PID1: variants seen among roughly 807,000 people sequenced by gnomAD.
PID1 encodes the protein PTB-containing, cubilin and LRP1-interacting protein.
A neutral mutation model predicts 19.1 loss-of-function variants in PID1; 10 were observed. That is an observed-to-expected ratio of 0.52 (90% confidence interval 0.32 to 0.89). The LOEUF is 0.89. Among genes scored for constraint, PID1 ranks in the 40% least tolerant of loss-of-function variants. PID1 has a pLI of 0.03. For synonymous variants in PID1, 130 were observed against 116.0 expected (o/e 1.12, Z -0.78); for missense variants, 248 against 285.3 (o/e 0.87, Z 0.94).
At chr2:229,117,790 T>C in intron 2 of PID1, among the ~76,000 whole-genome samples, 1 of 152,100 alleles carries the variant, frequency 6.6e-6, no homozygotes, top group East Asian at 1.9e-4. Context: ...CTGCTTGTCA[T>C]GTCCCCAAGC....
chr2:229,208,103 C>G (rs1691647878), intron 1 of PID1, among the ~76,000 whole-genome samples: 1 of 152,168 alleles, frequency 6.6e-6, no homozygotes. Flanking sequence ...TCCCAGGCCT[C>G]TGGGTTGTAA....
intron 2 of PID1, among the ~76,000 whole-genome samples, chr2:229,073,247 G>T (rs1215359310): frequency 2.0e-5 from 3 of 152,114 alleles, no homozygotes; most frequent in Admixed American, 1.3e-4. Flanking sequence ...GGATGGTCTC[G>T]ATCTCCTGAC....
chr2:229,209,885 T>C (rs1166398986), intron 1 of PID1, among the ~76,000 whole-genome samples: 1 of 152,156 alleles, frequency 6.6e-6, no homozygotes, highest in Non-Finnish European at 1.5e-5. Context: ...CATTCAAAAT[T>C]CAAGCACTTA....
At chr2:229,147,885 G>C (rs1437114387) in intron 2 of PID1, among the ~76,000 whole-genome samples, 1 of 152,130 alleles carries the variant, frequency 6.6e-6, no homozygotes, top group African/African-American at 2.4e-5. Context: ...TACAGCTATA[G>C]CCCTCACAGT....
At chr2:229,038,761 ACT>A (rs1158862062) in intron 2 of PID1, among the ~76,000 whole-genome samples, 2 of 152,078 alleles carry the variant, frequency 1.3e-5, no homozygotes, top group Non-Finnish European at 1.5e-5. Flanking sequence ...TATGAAATCC[ACT>A]CTCTCCCTTT....
At chr2:229,172,129 A>G (rs1690723472) in intron 1 of PID1, among the ~76,000 whole-genome samples, 1 of 152,194 alleles carries the variant, frequency 6.6e-6, no homozygotes, top group African/African-American at 2.4e-5. Flanking sequence ...CCTAGCAAAG[A>G]AGTCAAAGCA....
At chr2:229,188,734 C>T (rs1334074852) in intron 1 of PID1, among the ~76,000 whole-genome samples, 2 of 45,058 alleles carry the variant, frequency 4.4e-5, no homozygotes, top group African/African-American at 9.3e-5. Context: ...AGCGAAACTC[C>T]ACCTCAAAAA....
intron 1 of PID1, among the ~76,000 whole-genome samples, chr2:229,257,015 G>C (rs1188252445): frequency 6.6e-6 from 1 of 152,074 alleles, no homozygotes; most frequent in Non-Finnish European, 1.5e-5. Context: ...AGTCTGAATG[G>C]GTTACAAGTG....
At chr2:229,031,070 G>C (rs1305742748) in intron 2 of PID1, among the ~76,000 whole-genome samples, 2 of 151,476 alleles carry the variant, frequency 1.3e-5, no homozygotes, top group East Asian at 3.9e-4. Flanking sequence ...ACAAAAATTA[G>C]CCGGGTGTGG....
intron 2 of PID1, among the ~76,000 whole-genome samples, chr2:229,081,173 T>G (rs1481920909): frequency 6.6e-6 from 1 of 152,190 alleles, no homozygotes; most frequent in Non-Finnish European, 1.5e-5. Context: ...CTCTCCCTGT[T>G]TATTATTTAG....
At chr2:229,152,817 G>A (rs1372336384) in intron 2 of PID1, among the ~76,000 whole-genome samples, 4 of 151,912 alleles carry the variant, frequency 2.6e-5, no homozygotes, top group Non-Finnish European at 5.9e-5. Flanking sequence ...AGTGGTGCTC[G>A]CCATAACCCA....
intron 1 of PID1, among the ~76,000 whole-genome samples, chr2:229,250,262 T>G (rs751587304): frequency 6.6e-6 from 1 of 152,242 alleles, no homozygotes; most frequent in Admixed American, 6.5e-5. Flanking sequence ...AATTCCCAAC[T>G]TCTGAGTACT....
chr2:229,058,589 T>C (rs1694150002), intron 2 of PID1, among the ~76,000 whole-genome samples: 1 of 152,218 alleles, frequency 6.6e-6, no homozygotes, highest in Non-Finnish European at 1.5e-5. Flanking sequence ...ATTTTGAAAC[T>C]ACAGCTCTTG....
At position 229,134,231 on chromosome 2, in the gene PID1, GTTTT is replaced by G. The variant is rs60513006; in HGVS notation, c.177+21583_177+21586del. ...TTCAATAACAATGTTTACTACCTGT[GTTTT>G]TTTTTTTTTTTTTTTTTGAGACAGA... On this transcript the variant is annotated intron_variant, in intron 2 of 2. Transcript: ENST00000392055. Among the ~76,000 whole-genome samples the G allele has an allele frequency of 1.4e-3, 150 of 109,200 alleles. 2 individuals are homozygous for G. The highest frequency in any genetic ancestry group is 1.3e-3 in the Non-Finnish European group (73 of 54,618). 71.6% of individuals were successfully genotyped at this position (109,200 alleles called of 152,430 possible).
intron 2 of PID1, among the ~76,000 whole-genome samples, chr2:229,131,606 A>C (rs905003766): frequency 3.9e-5 from 6 of 152,218 alleles, no homozygotes; most frequent in African/African-American, 1.4e-4. Flanking sequence ...TTTTGGCTAA[A>C]GTTTAGAAGT....
chr2:229,141,480 C>A (rs1336764058), intron 2 of PID1, among the ~76,000 whole-genome samples: 1 of 152,244 alleles, frequency 6.6e-6, no homozygotes, highest in African/African-American at 2.4e-5. Flanking sequence ...TTTGCACCAC[C>A]TCATGAATAG....
intron 2 of PID1, among the ~76,000 whole-genome samples, chr2:229,086,133 A>G (rs987670252): frequency 2.0e-5 from 3 of 152,060 alleles, no homozygotes; most frequent in Non-Finnish European, 4.4e-5. Flanking sequence ...GTTTTGGGTG[A>G]TTTCTTATTT....
At chr2:229,090,913 T>C (rs978275291) in intron 2 of PID1, among the ~76,000 whole-genome samples, 2 of 152,198 alleles carry the variant, frequency 1.3e-5, no homozygotes, top group African/African-American at 4.8e-5. Context: ...ACCGGGAACA[T>C]TCACTAATGC....
intron 2 of PID1, among the ~76,000 whole-genome samples, chr2:229,129,591 T>C (rs1233330266): frequency 1.3e-5 from 2 of 152,208 alleles, no homozygotes; most frequent in African/African-American, 2.4e-5. Context: ...TGGATAACTA[T>C]ATTAAACTGA....
Sources: gnomAD v4.1 joint callset for allele counts (sites outside exome capture counted in the v4.1 genomes callset) on GRCh38, gnomAD v4.1.1 for gene constraint, MANE v1.5 for transcripts, NCBI Gene and HGNC (gene_info 2026-07-23, HGNC 2026-07-21) for gene names.